The following SPMIP7 variants were observed in gnomAD, a reference collection of about 807,000 sequenced individuals.
SPMIP7 encodes the protein sperm microtubule inner protein 7.
At chr7:50,126,728 ATTAATCAATGTAAT>A in the SPMIP7 span, among the ~76,000 whole-genome samples, 2 of 152,130 alleles carry the variant, frequency 1.3e-5, no homozygotes, top group Non-Finnish European at 2.9e-5. Flanking sequence ...TACCATTAAA[ATTAATCAATGTAAT>A]TTAACATACT....
At chr7:50,139,723 C>A in the SPMIP7 span, among the ~76,000 whole-genome samples, 1 of 152,138 alleles carries the variant, frequency 6.6e-6, no homozygotes, top group Non-Finnish European at 1.5e-5. Flanking sequence ...AGAGCTCACA[C>A]AAAGACCTAT....
chr7:50,107,589 T>C, the SPMIP7 span, among the ~76,000 whole-genome samples: 1 of 151,384 alleles, frequency 6.6e-6, no homozygotes, highest in Non-Finnish European at 1.5e-5. Context: ...ATATGAAAAA[T>C]ACAGAAGTGA....
the SPMIP7 span, among the ~76,000 whole-genome samples, chr7:50,145,618 G>GTGTATA: frequency 6.5e-4 from 18 of 27,692 alleles, no homozygotes; most frequent in Admixed American, 1.4e-3. Context: ...ATATGTGTGT[G>GTGTATA]TATATATATA....
chr7:50,145,611 TG>T, the SPMIP7 span, among the ~76,000 whole-genome samples: 1 of 27,502 alleles, frequency 3.6e-5, no homozygotes, highest in Non-Finnish European at 6.4e-5. Context: ...TGTGTGTATA[TG>T]TGTGTGTATA....
At chr7:50,110,869 C>T in the SPMIP7 span, among the ~76,000 whole-genome samples, 551 of 111,248 alleles carry the variant, frequency 5.0e-3, 2 homozygotes, top group African/African-American at 0.023. Flanking sequence ...AGATATTATA[C>T]TATATTACTA....
At chr7:50,138,173 T>G in the SPMIP7 span, among the ~76,000 whole-genome samples, 1 of 152,182 alleles carries the variant, frequency 6.6e-6, no homozygotes, top group African/African-American at 2.4e-5. Context: ...TTATTACTTA[T>G]GATAAGAGCT....
At chr7:50,139,005 A>C in the SPMIP7 span, among the ~76,000 whole-genome samples, 1 of 152,196 alleles carries the variant, frequency 6.6e-6, no homozygotes, top group African/African-American at 2.4e-5. Context: ...ATAGACTCCA[A>C]CGTGTAAATT....
At chr7:50,117,693 C>G in the SPMIP7 span, among the ~76,000 whole-genome samples, 1 of 152,080 alleles carries the variant, frequency 6.6e-6, no homozygotes, top group Non-Finnish European at 1.5e-5. Flanking sequence ...TTATAAAACT[C>G]AGAAGGAAAA....
chr7:50,125,585 GGTGTGTGTGTGT>G, the SPMIP7 span, among the ~76,000 whole-genome samples: 7 of 140,820 alleles, frequency 5.0e-5, no homozygotes, highest in South Asian at 2.3e-4. Context: ...AAGAAAATAT[GGTGTGTGTGTGT>G]GTGTGTGTGT....
chr7:50,097,379 T>A, the SPMIP7 span, among the ~76,000 whole-genome samples: 3 of 152,188 alleles, frequency 2.0e-5, no homozygotes, highest in African/African-American at 7.2e-5. Context: ...AAATTATAGG[T>A]TGAAGAAATG....
the SPMIP7 span, among the ~76,000 whole-genome samples, chr7:50,129,241 A>G: frequency 6.6e-6 from 1 of 152,026 alleles, no homozygotes; most frequent in African/African-American, 2.4e-5. Flanking sequence ...AGGAGGCAAC[A>G]AATTGGTAAA....
At chr7:50,125,438 A>G in the SPMIP7 span, among the ~76,000 whole-genome samples, 1 of 148,896 alleles carries the variant, frequency 6.7e-6, no homozygotes, top group Admixed American at 6.8e-5. Flanking sequence ...ATTAAATTAA[A>G]CCAAAAATAA....
the SPMIP7 span, among the ~76,000 whole-genome samples, chr7:50,125,115 T>TATATATATATATATATATATATACACAC: frequency 3.9e-5 from 1 of 25,416 alleles, no homozygotes; most frequent in African/African-American, 2.1e-4. Flanking sequence ...TATATATATA[T>TATATATATATATATATATATATACACAC]ACACACACAC....
At chr7:50,147,117 A>C in the SPMIP7 span, among the ~76,000 whole-genome samples, 1 of 152,240 alleles carries the variant, frequency 6.6e-6, no homozygotes, top group Non-Finnish European at 1.5e-5. Flanking sequence ...TGCATTTTTT[A>C]AATTAAAAGT....
chr7:50,136,750 G>A, the SPMIP7 span, among the ~76,000 whole-genome samples: 1 of 151,798 alleles, frequency 6.6e-6, no homozygotes, highest in Non-Finnish European at 1.5e-5. Flanking sequence ...TTCACATTTA[G>A]TCTAAAAAAC....
At chr7:50,138,310 T>C in the SPMIP7 span, among the ~76,000 whole-genome samples, 93 of 152,328 alleles carry the variant, frequency 6.1e-4, no homozygotes, top group African/African-American at 2.1e-3. Flanking sequence ...TGAGTCACAA[T>C]GAGCATTTGC....
chr7:50,158,241 C>T, the SPMIP7 span, among the ~76,000 whole-genome samples: 1 of 151,208 alleles, frequency 6.6e-6, no homozygotes, highest in Admixed American at 6.6e-5. Context: ...TGGGTGAAGC[C>T]TGGATCCCTC....
the SPMIP7 span, among the ~76,000 whole-genome samples, chr7:50,152,175 T>A: frequency 6.6e-6 from 1 of 152,082 alleles, no homozygotes; most frequent in African/African-American, 2.4e-5. Flanking sequence ...TTGTGAAACC[T>A]TGTCTCTACT....
the SPMIP7 span, among the ~76,000 whole-genome samples, chr7:50,133,494 T>G: frequency 2.6e-5 from 4 of 152,108 alleles, no homozygotes; most frequent in Non-Finnish European, 5.9e-5. Flanking sequence ...CAAATGAGCA[T>G]TTTTTTGGAA....
Sources: allele counts gnomAD v4.1 joint callset (sites outside exome capture counted in the v4.1 genomes callset), GRCh38; gene constraint gnomAD v4.1.1; transcripts MANE v1.5; gene names NCBI Gene and HGNC (gene_info 2026-07-23, HGNC 2026-07-21).